IDO2: variants seen among roughly 807,000 people sequenced by gnomAD.
IDO2 encodes indoleamine 2,3-dioxygenase 2.
Under a neutral mutation model 45.1 loss-of-function variants are expected in IDO2, and 46 were observed. That is an observed-to-expected ratio of 1.02 (90% CI 0.80 to 1.30). The LOEUF (loss-of-function observed/expected upper bound fraction) is 1.30. IDO2 is among the 50% of genes most tolerant of loss of function. IDO2 has a pLI of 0.00. For missense variants in IDO2, 544 were observed against 491.8 expected (o/e 1.11, Z -1.00); for synonymous variants, 218 against 184.9 (o/e 1.18, Z -1.45).
chr8:39,938,559 G>T (rs1195482146), intron 1 of IDO2, among the ~76,000 whole-genome samples: 1 of 133,690 alleles, frequency 7.5e-6, no homozygotes, highest in East Asian at 2.1e-4. Context: ...AACACCAAAG[G>T]CGCAATCAAT....
intron 8 of IDO2, chr8:39,994,999 C>T (rs750939572): frequency 2.0e-5 from 3 of 152,184 alleles, no homozygotes; most frequent in African/African-American, 2.4e-5. Flanking sequence ...TCATAGCCCT[C>T]GCTCGCTTCT....
At position 39,988,187 on chromosome 8, in the gene IDO2, A is replaced by G. The variant is rs138330117; in HGVS notation, c.549+217A>G. The stretch of plus-strand genomic sequence containing the variant: ...TCGGAATGGACCTTTTGTCCATTCA[A>G]CAAACAGGCATTGGTTTGGGCAATG... On this transcript the variant is annotated intron_variant, in intron 7 of 10. Coordinates refer to ENST00000502986, the Ensembl canonical transcript of IDO2. Among the ~76,000 whole-genome samples the G allele has an allele frequency of 6.1e-3, 933 of 152,288 alleles. 9 individuals are homozygous for G. Among genetic ancestry groups the G allele is most frequent in the African/African-American group, 0.02 (843 of 41,570 alleles).
intron 9 of IDO2, among the ~76,000 whole-genome samples, chr8:40,011,016 T>A (rs897965789): frequency 1.3e-5 from 2 of 152,194 alleles, no homozygotes; most frequent in South Asian, 2.1e-4. Context: ...GTTCAAGCGA[T>A]ACTCCTGCCT....
intron 5 of IDO2, 35 bp from the exon 6 acceptor site, chr8:39,985,473 C>G (rs1321866689): frequency 1.3e-6 from 2 of 1,538,306 alleles, no homozygotes; most frequent in Admixed American, 4.0e-5. Context: ...TTTTTTTTCT[C>G]TCTTGGTGGT....
chr8:40,014,722 CT>C (rs371908065), intron 10 of IDO2, among the ~76,000 whole-genome samples: 6 of 152,330 alleles, frequency 3.9e-5, no homozygotes, highest in African/African-American at 1.4e-4. Context: ...GATGTTCTTA[CT>C]TTGTTTCCTC....
At chr8:39,951,908 C>T (rs903470432) in intron 2 of IDO2, among the ~76,000 whole-genome samples, 3 of 152,160 alleles carry the variant, frequency 2.0e-5, no homozygotes, top group East Asian at 1.9e-4. Context: ...GAAACATTTA[C>T]GGCATCAGGT....
At chr8:39,983,308 A>G (rs1281856172) in intron 5 of IDO2, among the ~76,000 whole-genome samples, 1 of 152,246 alleles carries the variant, frequency 6.6e-6, no homozygotes, top group Non-Finnish European at 1.5e-5. Flanking sequence ...AGATTTTAAC[A>G]AACAAGAAAT....
At chr8:39,979,222 C>T in intron 4 of IDO2, 36 bp downstream of exon 4, 2 of 1,555,292 alleles carry the variant, frequency 1.3e-6, no homozygotes, top group Non-Finnish European at 1.7e-6. Flanking sequence ...TGTTACCCGG[C>T]AGGTTACCTG....
intron 3 of IDO2, among the ~76,000 whole-genome samples, chr8:39,965,313 A>G (rs1198976118): frequency 6.6e-6 from 1 of 152,118 alleles, no homozygotes; most frequent in Non-Finnish European, 1.5e-5. Context: ...TGGTGAAACC[A>G]TGTCTCTACT....
At chr8:39,977,725 A>G (rs1241649875) in intron 3 of IDO2, among the ~76,000 whole-genome samples, 1 of 151,802 alleles carries the variant, frequency 6.6e-6, no homozygotes, top group Non-Finnish European at 1.5e-5. Flanking sequence ...TCTCAACAGT[A>G]CTCCCTCCTT....
At chr8:39,995,902 T>C (rs956726727) in intron 8 of IDO2, among the ~76,000 whole-genome samples, 1 of 152,174 alleles carries the variant, frequency 6.6e-6, no homozygotes, top group Non-Finnish European at 1.5e-5. Flanking sequence ...GGAAGATGCC[T>C]GTCACCTAAC....
intron 1 of IDO2, among the ~76,000 whole-genome samples, chr8:39,944,127 A>G (rs1158080755): frequency 6.6e-6 from 1 of 152,070 alleles, no homozygotes; most frequent in Non-Finnish European, 1.5e-5. Flanking sequence ...GAAAGGGAGG[A>G]AGGAGAGATG....
intron 8 of IDO2, 94 bp downstream of exon 8, chr8:39,989,932 G>A (rs1456746305): frequency 4.2e-6 from 3 of 707,966 alleles, no homozygotes; most frequent in Non-Finnish European, 4.7e-6. Context: ...TCCTGAAGGG[G>A]GTGATAATAC....
At chr8:40,009,173 C>T (rs1318500347) in intron 9 of IDO2, among the ~76,000 whole-genome samples, 1 of 152,166 alleles carries the variant, frequency 6.6e-6, no homozygotes, top group Non-Finnish European at 1.5e-5. Context: ...TGCCACAGTG[C>T]CCGGCTAATT....
Position 39,947,171 on chromosome 8 carries a change from CAAAAAAA to C in IDO2, c.-17-1960_-17-1954del, listed in dbSNP as rs55785952. Among the ~76,000 whole-genome samples, 490 of 80,032 alleles carry C rather than the reference CAAAAAAA, an allele frequency of 6.1e-3. 2 individuals are homozygous for C. The highest frequency in any genetic ancestry group is 0.023 in the African/African-American group (468 of 20,038). The allele number at this position is 80,032 out of a possible 152,430, so 52.5% of individuals were successfully genotyped here. ...AACTCTAGGACTAGAGCTAAGGTAT[CAAAAAAA>C]AAAAAAAAAAAAAAAAAGAAGTAGA... On this transcript the variant is annotated intron_variant, in intron 1 of 10. Transcript: ENST00000502986.
intron 2 of IDO2, among the ~76,000 whole-genome samples, chr8:39,955,234 A>C (rs1449338182): frequency 1.4e-5 from 2 of 139,196 alleles, no homozygotes; most frequent in Non-Finnish European, 3.0e-5. Context: ...ATTAACAAAT[A>C]TTTCTTTAAT....
At chr8:39,944,505 C>A (rs879606777) in intron 1 of IDO2, among the ~76,000 whole-genome samples, 1 of 152,148 alleles carries the variant, frequency 6.6e-6, no homozygotes, top group Non-Finnish European at 1.5e-5. Flanking sequence ...CACTGGCAGC[C>A]CCTTCCTCAA....
chr8:40,005,796 G>T (rs942082802), intron 9 of IDO2, among the ~76,000 whole-genome samples: 1 of 152,166 alleles, frequency 6.6e-6, no homozygotes, highest in Non-Finnish European at 1.5e-5. Flanking sequence ...CTACACTGTG[G>T]TTTGAACGAA....
Position 40,005,395 on chromosome 8 carries a change from T to C in IDO2, c.719+17T>C. 2 of 1,508,772 alleles carry C rather than the reference T, an allele frequency of 1.3e-6. No homozygotes were observed. The highest frequency in any genetic ancestry group is 1.8e-6 in the Non-Finnish European group (2 of 1,105,064). 93.5% of individuals were successfully genotyped at this position (1,508,772 alleles called of 1,614,324 possible). On this transcript the variant is annotated intron_variant, in intron 9 of 10. Transcript: ENST00000502986. The stretch of plus-strand genomic sequence containing the variant: ...TCTCTCTGGGTAAGTATAGTTCAGT[T>C]GTTTTCCTGTGTGAAGTCTCTGTAG...
Sources: allele counts gnomAD v4.1 joint callset (sites outside exome capture counted in the v4.1 genomes callset), GRCh38; gene constraint gnomAD v4.1.1; transcripts MANE v1.5; gene names NCBI Gene and HGNC (gene_info 2026-07-23, HGNC 2026-07-21).